KCNS3: variants seen among roughly 807,000 people sequenced by gnomAD.
KCNS3 encodes the protein delayed-rectifier potassium channel regulatory subunit KCNS3.
A neutral mutation model predicts 31.0 loss-of-function variants in KCNS3; 13 were observed. That is an observed-to-expected ratio of 0.42 (90% CI 0.27 to 0.67). The LOEUF (loss-of-function observed/expected upper bound fraction) is 0.67. Ranked by LOEUF, KCNS3 falls within the 30% of genes least tolerant of loss-of-function variation. KCNS3 has a pLI of 0.25. For synonymous variants in KCNS3, 238 were observed against 241.5 expected, an observed-to-expected ratio of 0.99 and a Z score of 0.13; for missense variants, 545 against 622.4, an observed-to-expected ratio of 0.88 and a Z score of 1.32.
intron 1 of KCNS3, among the ~76,000 whole-genome samples, chr2:17,906,846 T>A (rs1414569486): frequency 6.6e-6 from 1 of 152,234 alleles, no homozygotes; most frequent in Admixed American, 6.5e-5. Context: ...ATTTCTGTTC[T>A]CTTACATTTG....
At chr2:17,886,427 C>G (rs1417367319) in intron 1 of KCNS3, among the ~76,000 whole-genome samples, 2 of 152,094 alleles carry the variant, frequency 1.3e-5, no homozygotes, top group African/African-American at 4.8e-5. Flanking sequence ...TGAGTTCAGA[C>G]AAAACACTTC....
At chr2:17,910,677 GGTCTTTATA>G (rs946284299) in intron 1 of KCNS3, among the ~76,000 whole-genome samples, 6 of 151,872 alleles carry the variant, frequency 4.0e-5, no homozygotes, top group Admixed American at 3.9e-4. Flanking sequence ...AACTCCAAGA[GGTCTTTATA>G]GTCTCTGATT....
At chr2:17,913,434 T>C (rs1034059437) in intron 1 of KCNS3, among the ~76,000 whole-genome samples, 1 of 152,264 alleles carries the variant, frequency 6.6e-6, no homozygotes, top group Non-Finnish European at 1.5e-5. Context: ...TTAGTGCATA[T>C]GCACAGTATA....
intron 2 of KCNS3, among the ~76,000 whole-genome samples, chr2:17,918,562 T>C (rs1662641486): frequency 2.6e-5 from 4 of 152,214 alleles, no homozygotes; most frequent in Admixed American, 2.6e-4. Flanking sequence ...TTGCCATGCC[T>C]GTTCTAGATC....
At chr2:17,905,183 G>T (rs1397512683) in intron 1 of KCNS3, among the ~76,000 whole-genome samples, 3 of 152,194 alleles carry the variant, frequency 2.0e-5, no homozygotes. Context: ...CACATCCCTT[G>T]TAAGTTGGAT....
chr2:17,928,363 T>G (rs540750285), intron 2 of KCNS3, among the ~76,000 whole-genome samples: 1 of 152,230 alleles, frequency 6.6e-6, no homozygotes, highest in African/African-American at 2.4e-5. Context: ...CCCTCCTGGG[T>G]TCAAGTGATT....
rs749427338 is a variant in KCNS3, at chr2:17,931,543, G to A, written c.535G>A (p.Ala179Thr). Residue 179 changes from alanine to threonine, a missense_variant, in exon 3 of 3, where the codon GCG becomes ACG. Transcript: ENST00000304101. The surrounding 1 kb of genome is among the most constrained non-coding windows in gnomAD (Gnocchi z 5.4). The stretch of plus-strand genomic sequence containing the variant: ...AATCTGGATTAGAATGGAGAATCCA[G>A]CGTACTGCCTGTCCGCTAAGCTTAT... ...KKIWIRMENP[A>T]YCLSAKLIAI... 1 of 1,614,204 alleles carries A rather than the reference G, an allele frequency of 6.2e-7. No individual in the cohort carries two copies. The highest frequency in any genetic ancestry group is 1.6e-4 in the Middle Eastern group (1 of 6,062).
In KCNS3 at chr2:17,905,398, A is replaced by G. The variant is rs577425808; in HGVS notation, c.-251-12282A>G. 5.3e-5 allele frequency among the ~76,000 whole-genome samples: 8 copies of G among 152,336 alleles called. No homozygotes were observed. The East Asian group carries it at 1.2e-3, about 22-fold the overall frequency. ...GGTTTTCTAAATATACAATCATGTC[A>G]TCTGCAAACAGGGACAATTTGACTT... On this transcript the variant is annotated intron_variant, in intron 1 of 2. Coordinates refer to ENST00000304101, the MANE Select transcript of KCNS3 (RefSeq NM_002252.5).
intron 1 of KCNS3, among the ~76,000 whole-genome samples, chr2:17,887,958 C>T (rs1438750218): frequency 6.6e-6 from 1 of 151,990 alleles, no homozygotes. Flanking sequence ...GTTTGTTGGC[C>T]ATTTGTATAT....
intron 1 of KCNS3, among the ~76,000 whole-genome samples, chr2:17,884,256 TAAAAAAA>T (rs34385647): frequency 3.5e-5 from 3 of 86,832 alleles, no homozygotes; most frequent in African/African-American, 9.0e-5. Flanking sequence ...AAAGTATAAT[TAAAAAAA>T]AAAAAATATA....
intron 1 of KCNS3, among the ~76,000 whole-genome samples, chr2:17,909,230 G>T (rs973665844): frequency 8.5e-5 from 13 of 152,198 alleles, no homozygotes; most frequent in Admixed American, 6.5e-4. Context: ...AATGAGTGAG[G>T]CTCCGTGGGC....
intron 1 of KCNS3, among the ~76,000 whole-genome samples, chr2:17,896,464 C>T (rs1004859660): frequency 6.6e-6 from 1 of 151,778 alleles, no homozygotes; most frequent in African/African-American, 2.4e-5. Context: ...ACTTTGGGGG[C>T]ATTGGAGACG....
At chr2:17,927,173 C>A (rs1316697789) in intron 2 of KCNS3, among the ~76,000 whole-genome samples, 4 of 152,186 alleles carry the variant, frequency 2.6e-5, no homozygotes, top group Non-Finnish European at 5.9e-5. Flanking sequence ...TAAAGCATAG[C>A]AAGAATGAGT....
At chr2:17,926,600 T>C (rs1372023549) in intron 2 of KCNS3, among the ~76,000 whole-genome samples, 2 of 152,230 alleles carry the variant, frequency 1.3e-5, no homozygotes, top group Non-Finnish European at 2.9e-5. Context: ...TCATCAAGGA[T>C]TGGGGCTTGC....
intron 1 of KCNS3, among the ~76,000 whole-genome samples, chr2:17,916,074 G>A (rs1192758070): frequency 1.3e-5 from 2 of 152,212 alleles, no homozygotes; most frequent in African/African-American, 4.8e-5. Flanking sequence ...TTTAGGCGGT[G>A]CTTGGGGATA....
At chr2:17,918,112 C>G (rs1319145900) in intron 2 of KCNS3, among the ~76,000 whole-genome samples, 1 of 152,188 alleles carries the variant, frequency 6.6e-6, no homozygotes, top group Non-Finnish European at 1.5e-5. Flanking sequence ...CACATTTTCT[C>G]CCTCTCCCTT....
At chr2:17,885,889 C>T (rs751084811) in intron 1 of KCNS3, among the ~76,000 whole-genome samples, 4 of 152,120 alleles carry the variant, frequency 2.6e-5, no homozygotes, top group African/African-American at 4.8e-5. Context: ...CTGGCCTAAA[C>T]ATCAATAATG....
chr2:17,879,836 C>CA (rs1674600579), intron 1 of KCNS3, among the ~76,000 whole-genome samples: 1 of 152,188 alleles, frequency 6.6e-6, no homozygotes, highest in African/African-American at 2.4e-5. Context: ...CTCCACCTGC[C>CA]AAAATGACCC....
At position 17,931,930 on chromosome 2, in the gene KCNS3, G is replaced by C. The variant is rs753052691; in HGVS notation, c.922G>C (p.Val308Leu). Residue 308 changes from valine (V) to leucine (L), a missense_variant, in exon 3 of 3, where the codon GTA becomes CTA. Transcript: ENST00000304101. This position sits in a 1 kb window ranked among gnomAD's most constrained non-coding sequence, Gnocchi z 5.4. ...FRILKLARHS[V>L]GLRSLGATLR... ...AATTCTAAAGCTTGCCCGGCACTCG[G>C]TAGGACTTCGGTCTCTAGGTGCCAC... 6.2e-7 allele frequency: 1 copy of C among 1,614,134 alleles called. No individual in the cohort carries two copies. The highest frequency in any genetic ancestry group is 2.2e-5 in the East Asian group (1 of 44,880).
Sources: allele counts gnomAD v4.1 joint callset (sites outside exome capture counted in the v4.1 genomes callset), GRCh38; gene constraint gnomAD v4.1.1; non-coding constraint Gnocchi (gnomAD v3.1); transcripts MANE v1.5; gene names NCBI Gene and HGNC (gene_info 2026-07-23, HGNC 2026-07-21).